The following RRM1 variants were observed in gnomAD, a reference collection of about 807,000 sequenced individuals.
The protein encoded by RRM1 is ribonucleoside-diphosphate reductase large subunit.
A neutral mutation model predicts 101.5 loss-of-function variants in RRM1; 19 were observed. That is an observed-to-expected ratio of 0.19 (90% CI 0.13 to 0.27). The LOEUF is 0.27. Among genes scored for constraint, RRM1 ranks in the 10% least tolerant of loss-of-function variants. RRM1 has a pLI of 1.00. For missense variants in RRM1, 500 were observed against 962.9 expected, an observed-to-expected ratio of 0.52 and a Z score of 6.36; for synonymous variants, 298 against 323.4, an observed-to-expected ratio of 0.92 and a Z score of 0.84.
intron 18 of RRM1, among the ~76,000 whole-genome samples, chr11:4,136,231 A>G (rs2094609459): frequency 6.6e-6 from 1 of 151,450 alleles, no homozygotes; most frequent in South Asian, 2.1e-4. Flanking sequence ...GTATGTATGT[A>G]TGTATTTTGA....
chr11:4,110,159 A>C (rs1565181596), intron 5 of RRM1, among the ~76,000 whole-genome samples: 3 of 151,770 alleles, frequency 2.0e-5, no homozygotes, highest in African/African-American at 7.3e-5. Context: ...ATTAAAAAAA[A>C]ATTTTTTTTT....
At chr11:4,133,347 T>C (rs1385651211) in intron 16 of RRM1, among the ~76,000 whole-genome samples, 2 of 152,162 alleles carry the variant, frequency 1.3e-5, no homozygotes, top group East Asian at 3.9e-4. Flanking sequence ...GCCTGGCTAA[T>C]TATATTGTTT....
At position 4,123,197 on chromosome 11, in the gene RRM1, G is replaced by T; in HGVS notation, c.1133G>T (p.Gly378Val). 6.2e-7 allele frequency: 1 copy of T among 1,613,888 alleles called. No individual in the cohort carries two copies. Among genetic ancestry groups the T allele is most frequent in the Non-Finnish European group, 8.5e-7 (1 of 1,179,888 alleles). ...GTGCCTTTCAGTTATGAGAAACAAG[G>T]TCGTGTCCGCAAAGTTGTAAAAGCT... ...EKLYASYEKQ[G>V]RVRKVVKAQQ... is the part of the protein sequence containing the mutation. The change falls in exon 12 of 19, where the codon GGT (glycine) becomes GTT (valine). Residue 378 changes from glycine (G) to valine (V), a missense_variant. Coordinates refer to ENST00000300738, the MANE Select transcript of RRM1 (RefSeq NM_001033.5).
At chr11:4,122,733 C>T (rs1339768590) in intron 11 of RRM1, among the ~76,000 whole-genome samples, 6 of 151,882 alleles carry the variant, frequency 4.0e-5, no homozygotes, top group South Asian at 2.1e-4. Flanking sequence ...ATTAGCTGGG[C>T]GTGGTGGTGC....
chr11:4,118,640 A>G (rs1038111608), intron 8 of RRM1, among the ~76,000 whole-genome samples, 179 bp downstream of exon 8: 2 of 152,086 alleles, frequency 1.3e-5, no homozygotes, highest in Non-Finnish European at 2.9e-5. Flanking sequence ...ATGATATTAG[A>G]TATTTAGATT....
At chr11:4,109,758 G>C in intron 5 of RRM1, 55 bp downstream of exon 5, 1 of 1,428,106 alleles carries the variant, frequency 7.0e-7, no homozygotes, top group Non-Finnish European at 9.7e-7. Flanking sequence ...TGAAATAAAG[G>C]ATTTTGTTTA....
At chr11:4,111,767 TG>T in intron 6 of RRM1, 127 bp downstream of exon 6, 1 of 1,192,342 alleles carries the variant, frequency 8.4e-7, no homozygotes, top group Non-Finnish European at 1.2e-6. Flanking sequence ...GTTTAGTTTG[TG>T]GATAATTGTC....
At chr11:4,108,980 A>G (rs1454164832) in intron 4 of RRM1, among the ~76,000 whole-genome samples, 1 of 152,106 alleles carries the variant, frequency 6.6e-6, no homozygotes, top group African/African-American at 2.4e-5. Flanking sequence ...CTCCAAAATG[A>G]TTATTTGTAC....
In RRM1 at chr11:4,118,175, G is replaced by C. The variant is rs1203029033; in HGVS notation, c.651-145G>C. On this transcript the variant is annotated intron_variant, in intron 7 of 18. Coordinates refer to ENST00000300738, the MANE Select transcript of RRM1 (RefSeq NM_001033.5). ...TATTGTGTCATGTACAGTAAAGTGG[G>C]TTTTCTTCTTTGAAAATCATTTAGG... 6.3e-6 allele frequency: 5 copies of C among 790,990 alleles called. No homozygotes were observed. In the African/African-American group the frequency reaches 7.0e-5, roughly 11 times the overall value. 49.0% of individuals were successfully genotyped at this position (790,990 alleles called of 1,614,324 possible).
At chr11:4,120,933 G>A (rs2094580822) in intron 9 of RRM1, among the ~76,000 whole-genome samples, 2 of 152,172 alleles carry the variant, frequency 1.3e-5, no homozygotes, top group Admixed American at 1.3e-4. Flanking sequence ...GTGGGAGGAT[G>A]GCTTGAGCCC....
At chr11:4,130,848 T>C (rs968825444) in intron 15 of RRM1, among the ~76,000 whole-genome samples, 24 of 152,354 alleles carry the variant, frequency 1.6e-4, no homozygotes, top group Admixed American at 1.3e-3. Flanking sequence ...TCACAACATT[T>C]ACCTGTCTGT....
At chr11:4,095,064 G>A (rs577210391) in intron 1 of RRM1, 33 bp downstream of exon 1, 3 of 1,560,160 alleles carry the variant, frequency 1.9e-6, no homozygotes, top group Non-Finnish European at 2.6e-6. Context: ...GAGAAGGAAG[G>A]TGAGGGGATG....
At chr11:4,104,528 A>G (rs1454725763) in intron 2 of RRM1, among the ~76,000 whole-genome samples, 1 of 152,190 alleles carries the variant, frequency 6.6e-6, no homozygotes, top group African/African-American at 2.4e-5. Context: ...ACTGGAACTT[A>G]TAATGTGGCC....
At position 4,095,050 on chromosome 11, in the gene RRM1, G is replaced by A; in HGVS notation, c.19+19G>A. ...AAGCGAGGTGAGGGGGGGACGAGGT[G>A]GGCGAGAAGGAAGGTGAGGGGATGC... On this transcript the variant is annotated intron_variant, in intron 1 of 18. Coordinates refer to ENST00000300738, the MANE Select transcript of RRM1 (RefSeq NM_001033.5). The A allele has an allele frequency of 6.4e-7, 1 of 1,566,150 alleles. No homozygotes were observed. Among genetic ancestry groups the A allele is most frequent in the Non-Finnish European group, 8.7e-7 (1 of 1,155,836 alleles).
chr11:4,124,284 G>GA (rs765770753), intron 12 of RRM1, among the ~76,000 whole-genome samples: 209 of 152,280 alleles, frequency 1.4e-3, no homozygotes, highest in Non-Finnish European at 2.5e-3. Flanking sequence ...TTAGCCTAGG[G>GA]AGATTGTTGT....
intron 11 of RRM1, 78 bp from the exon 12 acceptor site, chr11:4,123,099 CTTTATA>C: frequency 9.7e-7 from 1 of 1,030,334 alleles, no homozygotes; most frequent in Non-Finnish European, 1.4e-6. Flanking sequence ...GTTTTCATAA[CTTTATA>C]TTTTAATGTC....
intron 17 of RRM1, among the ~76,000 whole-genome samples, chr11:4,134,191 C>T (rs893757241): frequency 1.3e-5 from 2 of 152,030 alleles, no homozygotes; most frequent in Non-Finnish European, 2.9e-5. Context: ...CCATATTGGC[C>T]AGGCTCCTGA....
intron 1 of RRM1, among the ~76,000 whole-genome samples, chr11:4,096,754 C>G (rs895227099): frequency 3.3e-5 from 5 of 152,034 alleles, no homozygotes; most frequent in Admixed American, 6.5e-5. Context: ...CTTCCCACTT[C>G]AGCCTCCCAA....
chr11:4,121,170 T>C (rs2094581308), intron 9 of RRM1, among the ~76,000 whole-genome samples: 1 of 152,190 alleles, frequency 6.6e-6, no homozygotes, highest in South Asian at 2.1e-4. Context: ...TAATCGCTTG[T>C]TGGTTTATGA....
Sources: gnomAD v4.1 joint callset for allele counts (sites outside exome capture counted in the v4.1 genomes callset) on GRCh38, gnomAD v4.1.1 for gene constraint, MANE v1.5 for transcripts, NCBI Gene and HGNC (gene_info 2026-07-23, HGNC 2026-07-21) for gene names.